Variants in FAM200B observed in about 807,000 individuals in gnomAD.
FAM200B encodes protein FAM200B.
In FAM200B, 32 loss-of-function variants were observed where a neutral mutation model predicts 33.1. The observed-to-expected ratio is 0.97, with a 90% CI of 0.73 to 1.30. The LOEUF is 1.30. FAM200B is among the 50% of genes most tolerant of loss of function. The pLI, the probability that FAM200B is intolerant of heterozygous loss-of-function variation, is 0.00. For synonymous variants in FAM200B, 240 were observed against 264.8 expected (o/e 0.91, Z 0.91); for missense variants, 741 against 754.0 (o/e 0.98, Z 0.20).
At chr4:15,657,562 C>G in the FAM200B span, among the ~76,000 whole-genome samples, 1 of 152,198 alleles carries the variant, frequency 6.6e-6, no homozygotes, top group Non-Finnish European at 1.5e-5. Context: ...GCTCTATAAT[C>G]AGCTGAAAAG....
At chr4:15,671,535 A>G in the FAM200B span, among the ~76,000 whole-genome samples, 1 of 152,006 alleles carries the variant, frequency 6.6e-6, no homozygotes, top group African/African-American at 2.4e-5. Flanking sequence ...CAGCCTCTCA[A>G]AGTGTTGGAA....
the FAM200B span, among the ~76,000 whole-genome samples, chr4:15,670,396 G>C: frequency 1.3e-5 from 2 of 152,136 alleles, no homozygotes; most frequent in African/African-American, 2.4e-5. Context: ...AGTATTCTTT[G>C]CTCTAGAATC....
At chr4:15,644,858 C>T in the FAM200B span, 1 of 628,506 alleles carries the variant, frequency 1.6e-6, no homozygotes, top group Non-Finnish European at 2.7e-6. Context: ...CATAAATTAA[C>T]AAGTTATAAT....
At chr4:15,670,914 CTTTTTTTT>C in the FAM200B span, among the ~76,000 whole-genome samples, 17 of 54,180 alleles carry the variant, frequency 3.1e-4, no homozygotes, top group African/African-American at 1.2e-3. Flanking sequence ...TGTGCGTAGA[CTTTTTTTT>C]TTTTTTTTTT....
At chr4:15,683,350 G>T (rs886977831) in intron 1 of FAM200B, among the ~76,000 whole-genome samples, 2 of 152,082 alleles carry the variant, frequency 1.3e-5, no homozygotes, top group African/African-American at 4.8e-5. Flanking sequence ...TACCAGACCT[G>T]TTCCCTAATA....
chr4:15,652,721 T>A, the FAM200B span, among the ~76,000 whole-genome samples: 1 of 152,180 alleles, frequency 6.6e-6, no homozygotes, highest in Non-Finnish European at 1.5e-5. Context: ...AATGGATGCT[T>A]CTAAAATACA....
chr4:15,679,173 C>T (rs1029800813), upstream of FAM200B, among the ~76,000 whole-genome samples: 16 of 151,270 alleles, frequency 1.1e-4, no homozygotes, highest in African/African-American at 3.9e-4. Flanking sequence ...AGCGATTCTC[C>T]TGCCTCAGCC....
At chr4:15,670,565 T>G in the FAM200B span, among the ~76,000 whole-genome samples, 1 of 152,196 alleles carries the variant, frequency 6.6e-6, no homozygotes, top group East Asian at 1.9e-4. Flanking sequence ...AACCTTTAGC[T>G]TTTAACTGGG....
rs1168549171 is a variant in FAM200B at position 15,688,199 on chromosome 4, T to G, written c.1222T>G (p.Phe408Val). The G allele has an allele frequency of 1.3e-6, 2 of 1,550,970 alleles. No homozygotes were observed. The highest frequency in any genetic ancestry group is 2.4e-5 in the South Asian group (2 of 83,988). The stretch of plus-strand genomic sequence containing the variant: ...TGAGCTCAGGAATGAGATTCACTTT[T>G]TTCTCATTGAAAAAAAATCTCATTT... ...VYELRNEIHF[F>V]LIEKKSHLAS... Residue 408 changes from phenylalanine (F) to valine (V), a missense_variant, in exon 2 of 2, where the codon TTT (phenylalanine) becomes GTT (valine). Transcript: ENST00000422728.
upstream of FAM200B, among the ~76,000 whole-genome samples, chr4:15,680,287 T>C (rs1273633683): frequency 6.6e-6 from 1 of 152,166 alleles, no homozygotes; most frequent in Non-Finnish European, 1.5e-5. Context: ...GGATAGGGAC[T>C]AGGGAGGAAG....
At chr4:15,673,338 G>A in the FAM200B span, among the ~76,000 whole-genome samples, 1 of 152,118 alleles carries the variant, frequency 6.6e-6, no homozygotes, top group African/African-American at 2.4e-5. Context: ...CTACTTGGGA[G>A]GCTGAGGTGG....
In FAM200B at chr4:15,689,023, A is replaced by G; in HGVS notation, c.*72A>G. ...TAGTATTTTTCTATGTTATATTTAA[A>G]TGGTACTATAATACTGTGATACTTT... On this transcript the variant is annotated 3_prime_UTR_variant, in exon 2 of 2. Coordinates refer to ENST00000422728, the MANE Select transcript of FAM200B (RefSeq NM_001145191.2). 1 of 1,144,184 alleles carries G rather than the reference A, an allele frequency of 8.7e-7. No individual in the cohort carries two copies. Among genetic ancestry groups the G allele is most frequent in the Non-Finnish European group, 1.2e-6 (1 of 849,214 alleles). 70.9% of individuals were successfully genotyped at this position (1,144,184 alleles called of 1,614,324 possible).
At chr4:15,643,395 A>G in the FAM200B span, among the ~76,000 whole-genome samples, 1 of 152,242 alleles carries the variant, frequency 6.6e-6, no homozygotes, top group Non-Finnish European at 1.5e-5. Flanking sequence ...AAATAAACTA[A>G]GATCAAATTT....
the FAM200B span, among the ~76,000 whole-genome samples, chr4:15,652,735 T>G: frequency 6.6e-6 from 1 of 152,300 alleles, no homozygotes. Context: ...AAATACATTC[T>G]ACTTGAGAAG....
At chr4:15,653,302 T>G in the FAM200B span, among the ~76,000 whole-genome samples, 1 of 152,200 alleles carries the variant, frequency 6.6e-6, no homozygotes, top group Non-Finnish European at 1.5e-5. Context: ...AAAAGACTCT[T>G]GGCTCAGATA....
the FAM200B span, chr4:15,641,435 T>C: frequency 2.0e-4 from 71 of 362,948 alleles, no homozygotes; most frequent in African/African-American, 1.3e-3. Context: ...ATAAAGACAT[T>C]TATGATGATC....
chr4:15,674,204 G>GTTT, the FAM200B span, among the ~76,000 whole-genome samples: 1 of 140,214 alleles, frequency 7.1e-6, no homozygotes, highest in South Asian at 2.3e-4. Flanking sequence ...AATGCATCGT[G>GTTT]TTTTTTTTTT....
chr4:15,661,982 A>G, the FAM200B span, among the ~76,000 whole-genome samples: 2 of 152,240 alleles, frequency 1.3e-5, no homozygotes, highest in African/African-American at 2.4e-5. Flanking sequence ...TACTTATAAT[A>G]TGGTAGCTTG....
Position 15,688,783 on chromosome 4 carries a change from G to C in FAM200B, c.1806G>C (p.Leu602Phe). Residue 602 changes from leucine to phenylalanine, a missense_variant, in exon 2 of 2, where the codon TTG becomes TTC. By Grantham distance (22) the Leu-to-Phe change is conservative. Transcript: ENST00000422728. ...PLLSRKSVLL[L>F]LPFTTTSLCE... ...TAAGTAGAAAGAGTGTCCTGCTATT[G>C]CTACCATTCACAACAACTAGTTTGT... The C allele has an allele frequency of 1.3e-6, 2 of 1,551,074 alleles. No homozygotes were observed. The highest frequency in any genetic ancestry group is 8.7e-7 in the Non-Finnish European group (1 of 1,146,610).
Sources: gnomAD v4.1 joint callset for allele counts (sites outside exome capture counted in the v4.1 genomes callset) on GRCh38, gnomAD v4.1.1 for gene constraint, MANE v1.5 for transcripts, NCBI Gene and HGNC (gene_info 2026-07-23, HGNC 2026-07-21) for gene names.